The following HERC1 variants were observed in gnomAD, a reference collection of about 807,000 sequenced individuals.
HERC1 encodes probable E3 ubiquitin-protein ligase HERC1.
HERC1 carries 160 observed loss-of-function variants against 554.3 expected under a neutral mutation model. The ratio of observed to expected loss-of-function variants is 0.29; its 90% CI spans 0.25 to 0.33. HERC1 has a LOEUF of 0.33. Among genes scored for constraint, HERC1 ranks in the 10% least tolerant of loss-of-function variants. The pLI is 1.00. For synonymous variants in HERC1, 2,175 were observed against 2,131.7 expected, an observed-to-expected ratio of 1.02 and a Z score of -0.56; for missense variants, 4,919 against 5,918.5, an observed-to-expected ratio of 0.83 and a Z score of 5.54.
chr15:63,778,441 A>G (rs1442880792), intron 1 of HERC1, among the ~76,000 whole-genome samples: 2 of 152,250 alleles, frequency 1.3e-5, no homozygotes, highest in African/African-American at 4.8e-5. Context: ...GCAATTTAAA[A>G]AGACAAGTGT....
rs576158721 is a variant in HERC1, at chr15:63,711,218, G to A, written c.4584+1557C>T. Reference sequence around the variant, plus strand: ...CACATGCCTGTAATCTCAGCTACTCGGGAGGCTGAGGCAGGAGGATTGCTT... The same window carrying A: ...CACATGCCTGTAATCTCAGCTACTCAGGAGGCTGAGGCAGGAGGATTGCTT... On this transcript the variant is annotated intron_variant, in intron 24 of 77. Coordinates refer to ENST00000443617, the MANE Select transcript of HERC1 (RefSeq NM_003922.4). Among the ~76,000 whole-genome samples, 23 of 152,216 alleles carry A rather than the reference G, an allele frequency of 1.5e-4. No homozygotes were observed. In the South Asian group the frequency reaches 4.1e-3, roughly 27 times the overall value.
chr15:63,757,262 CTTTTTTTT>C (rs56196711), intron 4 of HERC1, among the ~76,000 whole-genome samples: 1 of 107,880 alleles, frequency 9.3e-6, no homozygotes, highest in Non-Finnish European at 1.8e-5. Context: ...TTTTTATTTA[CTTTTTTTT>C]TTTTTTTTTT....
At chr15:63,785,418 T>C (rs2143645379) in intron 1 of HERC1, among the ~76,000 whole-genome samples, 1 of 152,178 alleles carries the variant, frequency 6.6e-6, no homozygotes, top group South Asian at 2.1e-4. Flanking sequence ...ACAAAGTCTC[T>C]TAAAAAAATT....
At chr15:63,816,886 A>T (rs2077509612) in intron 1 of HERC1, among the ~76,000 whole-genome samples, 1 of 152,240 alleles carries the variant, frequency 6.6e-6, no homozygotes, top group South Asian at 2.1e-4. Flanking sequence ...AATTATCATC[A>T]ACAGCTGCTA....
intron 70 of HERC1, among the ~76,000 whole-genome samples, chr15:63,628,270 T>C (rs1188345030): frequency 6.6e-6 from 1 of 152,092 alleles, no homozygotes; most frequent in African/African-American, 2.4e-5. Context: ...TGCATGCCTG[T>C]AGTCCCAGCT....
In HERC1 at chr15:63,753,067, T is replaced by C. The variant is rs1227634101; in HGVS notation, c.1793A>G (p.Asp598Gly). 1 of 1,601,822 alleles carries C rather than the reference T, an allele frequency of 6.2e-7. No individual in the cohort carries two copies. Residue 598 changes from aspartate to glycine, a missense_variant, in exon 8 of 78, where the codon GAT becomes GGT. Coordinates refer to ENST00000443617, the MANE Select transcript of HERC1 (RefSeq NM_003922.4). Reference sequence around the variant, plus strand: ...TTTAGGTTTATACACTCTGTTGGTATCACCATGACCAAGTTTACCTATAAA... The same window carrying C: ...TTTAGGTTTATACACTCTGTTGGTACCACCATGACCAAGTTTACCTATAAA... ...GGDNGKLGHG[D>G]TNRVYKPKVI...
chr15:63,611,283 T>C lies in HERC1; in HGVS notation c.14400+968A>G, dbSNP rs192863508. ...GAAGTGTTTAAGGCAGCTAAGGTCA[T>C]TGGCATTTATTTCGGAGTCAACAAA... On this transcript the variant is annotated intron_variant, in intron 77 of 77. Transcript: ENST00000443617. Among the ~76,000 whole-genome samples, 35 of 152,314 alleles carry C rather than the reference T, an allele frequency of 2.3e-4. 1 individual carries two copies. Among genetic ancestry groups the C allele is most frequent in the Admixed American group, 1.8e-3 (28 of 15,304 alleles).
At chr15:63,706,030 C>CA (rs35213471) in intron 25 of HERC1, among the ~76,000 whole-genome samples, 3,598 of 46,744 alleles carry the variant, frequency 0.077, 335 homozygotes, top group African/African-American at 0.21. Flanking sequence ...ACCCTGTCTC[C>CA]AAAAAAAAAA....
At chr15:63,752,147 G>C (rs1177268592) in intron 8 of HERC1, among the ~76,000 whole-genome samples, 1 of 152,222 alleles carries the variant, frequency 6.6e-6, no homozygotes, top group Non-Finnish European at 1.5e-5. Flanking sequence ...TGAATAGCTT[G>C]AAGATTTTTA....
chr15:63,680,722 G>A lies in HERC1; in HGVS notation c.6280C>T (p.Arg2094Cys), dbSNP rs367964987. The A allele has an allele frequency of 1.3e-5, 21 of 1,613,034 alleles. No homozygotes were observed. Among genetic ancestry groups the A allele is most frequent in the Non-Finnish European group, 1.6e-5 (19 of 1,179,142 alleles). The change falls in exon 35 of 78, where the codon CGC (arginine) becomes TGC (cysteine). Residue 2094 changes from arginine to cysteine, a missense_variant. Transcript: ENST00000443617. This position sits in a 1 kb window ranked among gnomAD's most constrained non-coding sequence, Gnocchi z 5.8. Reference sequence around the variant, plus strand: ...TGATTAAAGTCATGTACTGGCCAGCGAGAAACTCCAACACACGTGCCTTCA... The same window carrying A: ...TGATTAAAGTCATGTACTGGCCAGCAAGAAACTCCAACACACGTGCCTTCA... ...GNEGTCVGVSRWPVHDFNHRT... is the reference protein window; with the variant it reads ...GNEGTCVGVSCWPVHDFNHRT...
chr15:63,777,018 C>T (rs939783793), intron 1 of HERC1, among the ~76,000 whole-genome samples: 3 of 151,984 alleles, frequency 2.0e-5, no homozygotes, highest in African/African-American at 4.8e-5. Context: ...TTTTTAATTA[C>T]AAAATATTGC....
intron 37 of HERC1, among the ~76,000 whole-genome samples, chr15:63,676,039 G>C (rs1419319750): frequency 6.6e-6 from 1 of 151,928 alleles, no homozygotes; most frequent in East Asian, 1.9e-4. Flanking sequence ...GAGTAGCTGG[G>C]ATTACAGGCG....
rs2072269823 is a variant in HERC1 at position 63,694,039 on chromosome 15, C to T, written c.5599G>A (p.Gly1867Arg). The change falls in exon 30 of 78, where the codon GGG becomes AGG. Residue 1867 changes from glycine (G) to arginine (R), a missense_variant. Physicochemically the swap from Gly to Arg is moderately radical, Grantham distance 125 (BLOSUM62 -2). Around this residue, in one of 11 missense-constraint regions of HERC1, gnomAD observed 1,121 missense variants for 1,244.0 expected, o/e 0.90. Transcript: ENST00000443617. This position sits in a 1 kb window ranked among gnomAD's most constrained non-coding sequence, Gnocchi z 4.3. The stretch of plus-strand genomic sequence containing the variant: ...TCTTCTTCACCGTCTTCTTGCTCCC[C>T]TTCTCCGAAAGAGGCCATATGTAGT... ...GVLHMASFGE[G>R]EQEDGEEEEK... 1 of 1,598,962 alleles carries T rather than the reference C, an allele frequency of 6.3e-7. No individual in the cohort carries two copies. The highest frequency in any genetic ancestry group is 8.5e-7 in the Non-Finnish European group (1 of 1,172,058).
At chr15:63,622,406 C>A (rs1027382578) in intron 74 of HERC1, among the ~76,000 whole-genome samples, 1 of 147,624 alleles carries the variant, frequency 6.8e-6, no homozygotes, top group African/African-American at 2.5e-5. Flanking sequence ...CGGCTCACTG[C>A]AGCCTCTGCC....
chr15:63,762,908 A>G (rs564340531), intron 3 of HERC1, among the ~76,000 whole-genome samples: 2 of 152,178 alleles, frequency 1.3e-5, no homozygotes, highest in Non-Finnish European at 1.5e-5. Flanking sequence ...CCTTGCTTCT[A>G]GCTCTCCTAG....
intron 1 of HERC1, among the ~76,000 whole-genome samples, chr15:63,794,001 G>A (rs532151245): frequency 3.9e-4 from 59 of 152,222 alleles, no homozygotes; most frequent in African/African-American, 1.1e-3. Context: ...CCAAAACTGC[G>A]ATGGCCATGA....
rs544645844 is a variant in HERC1, at chr15:63,786,443, T to C, written c.-26-10794A>G. Among the ~76,000 whole-genome samples, 20 of 152,122 alleles carry C rather than the reference T, an allele frequency of 1.3e-4. No homozygotes were observed. In the South Asian group the frequency reaches 4.1e-3, roughly 32 times the overall value. ...TGAAAACACATGTTCATATGAAAAC[T>C]TGTACACAAACATTCACTGGAGCAT... is the stretch of plus-strand genomic sequence containing the variant. On this transcript the variant is annotated intron_variant, in intron 1 of 77. Transcript: ENST00000443617.
chr15:63,674,461 A>G lies in HERC1; in HGVS notation c.7727T>C (p.Met2576Thr). Residue 2576 changes from methionine to threonine, a missense_variant, in exon 38 of 78, where the codon ATG becomes ACG. Coordinates refer to ENST00000443617, the MANE Select transcript of HERC1 (RefSeq NM_003922.4). ...LMRHMVKRAV[M>T]RSPIKRALGL... ...CAATGCTCTCTTTATGGGTGACCGC[A>G]TGACTGCTCGCTTCACCATGTGTCG... 6.2e-7 allele frequency: 1 copy of G among 1,613,966 alleles called. No homozygotes were observed. Among genetic ancestry groups the G allele is most frequent in the Non-Finnish European group, 8.5e-7 (1 of 1,179,890 alleles).
intron 1 of HERC1, among the ~76,000 whole-genome samples, chr15:63,817,850 C>T (rs2077547577): frequency 6.6e-6 from 1 of 151,958 alleles, no homozygotes; most frequent in Non-Finnish European, 1.5e-5. Context: ...TTATACTATT[C>T]CCTCTACTTT....
Sources: allele counts gnomAD v4.1 joint callset (sites outside exome capture counted in the v4.1 genomes callset), GRCh38; gene constraint gnomAD v4.1.1; regional missense constraint gnomAD v4.1.1; non-coding constraint Gnocchi (gnomAD v3.1); transcripts MANE v1.5; gene names NCBI Gene and HGNC (gene_info 2026-07-23, HGNC 2026-07-21).